The following TRMT11 variants were observed in gnomAD, a reference collection of about 807,000 sequenced individuals.
TRMT11 encodes tRNA (guanine(10)-N(2))-methyltransferase TRMT11.
A neutral mutation model predicts 62.8 loss-of-function variants in TRMT11; 53 were observed. The observed-to-expected ratio is 0.84, with a 90% CI of 0.68 to 1.06. The LOEUF (loss-of-function observed/expected upper bound fraction) is 1.06. Among genes scored for constraint, TRMT11 ranks in the 50% least tolerant of loss-of-function variants. The pLI is 0.00. For missense variants in TRMT11, 556 were observed against 553.4 expected (o/e 1.00, Z -0.05); for synonymous variants, 188 against 190.3 (o/e 0.99, Z 0.10).
rs780128288 is a variant in TRMT11, at chr6:126,000,722, T to A, written c.679+1109T>A. ...AGAAGTAGTATCAAGGTCAATAAATTTCTAATTGATGGAATAACTTTCTCT... is the reference window on the plus strand; with the variant it reads ...AGAAGTAGTATCAAGGTCAATAAATATCTAATTGATGGAATAACTTTCTCT... On this transcript the variant is annotated intron_variant, in intron 7 of 12. Coordinates refer to ENST00000334379, the MANE Select transcript of TRMT11 (RefSeq NM_001031712.3). 3.3e-5 allele frequency among the ~76,000 whole-genome samples: 5 copies of A among 152,082 alleles called. No individual in the cohort carries two copies. In the South Asian group the frequency reaches 1.0e-3, roughly 32 times the overall value.
At chr6:126,091,988 A>G (rs1340578997) in intron 17 of TRMT11, among the ~76,000 whole-genome samples, 1 of 152,238 alleles carries the variant, frequency 6.6e-6, no homozygotes, top group African/African-American at 2.4e-5. Flanking sequence ...AAAATAACTC[A>G]TCACCTACGT....
At chr6:126,007,921 C>G (rs1793602916) in intron 7 of TRMT11, among the ~76,000 whole-genome samples, 1 of 151,948 alleles carries the variant, frequency 6.6e-6, no homozygotes, top group Admixed American at 6.6e-5. Context: ...CTTTTAATTT[C>G]TGTAAGAACT....
At chr6:126,179,685 T>C (rs893045400) in intron 1 of TRMT11, among the ~76,000 whole-genome samples, 2 of 152,132 alleles carry the variant, frequency 1.3e-5, no homozygotes, top group Non-Finnish European at 1.5e-5. Flanking sequence ...AAAGACTACA[T>C]GTCAGGTTTC....
chr6:126,123,574 T>A (rs1777675244), intron 21 of TRMT11, among the ~76,000 whole-genome samples: 1 of 152,096 alleles, frequency 6.6e-6, no homozygotes, highest in African/African-American at 2.4e-5. Context: ...AAGAACTTCC[T>A]GATAGTGGAC....
chr6:126,035,214 C>T (rs1774962040), intron 12 of TRMT11, among the ~76,000 whole-genome samples: 1 of 151,900 alleles, frequency 6.6e-6, no homozygotes, highest in African/African-American at 2.4e-5. Context: ...TGTGTTGGAC[C>T]ATAGACATAC....
At chr6:126,262,240 T>G in the TRMT11 span, among the ~76,000 whole-genome samples, 1 of 152,168 alleles carries the variant, frequency 6.6e-6, no homozygotes, top group Non-Finnish European at 1.5e-5. Context: ...GCTGCAGAAC[T>G]GGCAGTCAGG....
intron 21 of TRMT11, among the ~76,000 whole-genome samples, chr6:126,143,099 A>G (rs1490945400): frequency 6.6e-6 from 1 of 152,122 alleles, no homozygotes; most frequent in Non-Finnish European, 1.5e-5. Flanking sequence ...AAAGTTCTTA[A>G]TATTTTAACA....
rs184557231 is a variant in TRMT11 at position 125,996,113 on chromosome 6, A to C, written c.212+73A>C. ...TAACCACTCAATCCTGTTTTTTGCT[A>C]TATTGGGCAGTGTGAAGGCTCAGTT... On this transcript the variant is annotated intron_variant, in intron 3 of 12. Coordinates refer to ENST00000334379, the MANE Select transcript of TRMT11 (RefSeq NM_001031712.3). 3.0e-5 allele frequency: 32 copies of C among 1,081,298 alleles called. No individual in the cohort carries two copies. In the African/African-American group the frequency reaches 3.6e-4, roughly 12 times the overall value. 67.0% of individuals were successfully genotyped at this position (1,081,298 alleles called of 1,614,324 possible). A position where few individuals can be genotyped will look rare whatever the true frequency, so the allele number is the denominator to read the frequency against.
rs112630859 is a variant in TRMT11, at chr6:126,145,853, T to C, written c.*1824-28972T>C. Among the ~76,000 whole-genome samples the C allele has an allele frequency of 5.1e-3, 770 of 152,342 alleles. 7 individuals are homozygous for C. Among genetic ancestry groups the C allele is most frequent in the African/African-American group, 0.018 (735 of 41,584 alleles). On this transcript the variant is annotated intron_variant and NMD_transcript_variant, in intron 21 of 22. Transcript: ENST00000648977. ...AGCTCCTTTTTTATGTTTTATATTATCATTTTGCCCTCAACCTTTTACTTT... is the reference window on the plus strand; with the variant it reads ...AGCTCCTTTTTTATGTTTTATATTACCATTTTGCCCTCAACCTTTTACTTT...
downstream of TRMT11, among the ~76,000 whole-genome samples, chr6:126,042,493 C>T (rs1000754854): frequency 3.9e-5 from 6 of 152,160 alleles, no homozygotes; most frequent in African/African-American, 1.4e-4. Context: ...AAGTCAGCTT[C>T]CCTTATGTAA....
chr6:126,040,940 A>G (rs868686920), downstream of TRMT11, among the ~76,000 whole-genome samples: 1 of 152,010 alleles, frequency 6.6e-6, no homozygotes, highest in African/African-American at 2.4e-5. Flanking sequence ...AAAAGTTTAA[A>G]ATCTGCTACA....
intron 17 of TRMT11, among the ~76,000 whole-genome samples, chr6:126,080,897 A>G (rs990067400): frequency 3.9e-5 from 6 of 152,176 alleles, no homozygotes; most frequent in African/African-American, 9.7e-5. Flanking sequence ...CATTGGCTCT[A>G]TGACCCCTAG....
chr6:126,254,336 C>T, the TRMT11 span, among the ~76,000 whole-genome samples: 1 of 152,172 alleles, frequency 6.6e-6, no homozygotes, highest in Non-Finnish European at 1.5e-5. Context: ...AGCTAGTGAG[C>T]AGTTATACAA....
At chr6:126,029,262 C>T (rs978803564) in intron 12 of TRMT11, among the ~76,000 whole-genome samples, 6 of 152,106 alleles carry the variant, frequency 3.9e-5, no homozygotes, top group African/African-American at 1.4e-4. Flanking sequence ...GTATTTTTTA[C>T]ATAAGACATA....
chr6:126,038,459 A>AAAAG (rs1775602764), intron 12 of TRMT11, among the ~76,000 whole-genome samples: 2 of 151,252 alleles, frequency 1.3e-5, no homozygotes. Context: ...AAAAAGAAAA[A>AAAAG]AAGAAATTTG....
At chr6:126,108,453 A>G (rs1777488508) in intron 17 of TRMT11, among the ~76,000 whole-genome samples, 1 of 152,248 alleles carries the variant, frequency 6.6e-6, no homozygotes, top group African/African-American at 2.4e-5. Flanking sequence ...GGCACATAAA[A>G]TATAAATGTA....
chr6:126,233,143 T>C, the TRMT11 span, among the ~76,000 whole-genome samples: 1 of 152,314 alleles, frequency 6.6e-6, no homozygotes, highest in East Asian at 1.9e-4. Flanking sequence ...TTTTAATTTG[T>C]ACCAAATCAC....
chr6:126,043,232 T>C (rs1383004328), downstream of TRMT11, among the ~76,000 whole-genome samples: 1 of 119,862 alleles, frequency 8.3e-6, no homozygotes, highest in Non-Finnish European at 1.6e-5. Flanking sequence ...GTCCCCAGAG[T>C]GTGATGTTCC....
intron 17 of TRMT11, among the ~76,000 whole-genome samples, chr6:126,058,702 G>A (rs1050219434): frequency 1.3e-5 from 2 of 152,168 alleles, no homozygotes; most frequent in African/African-American, 4.8e-5. Context: ...AGAAAAGAGA[G>A]AAGAATCAAA....
Sources: gnomAD v4.1 joint callset for allele counts (sites outside exome capture counted in the v4.1 genomes callset) on GRCh38, gnomAD v4.1.1 for gene constraint, MANE v1.5 for transcripts, NCBI Gene and HGNC (gene_info 2026-07-23, HGNC 2026-07-21) for gene names.